The following GABRB2 variants were observed in gnomAD, a reference collection of about 807,000 sequenced individuals.
GABRB2 encodes gamma-aminobutyric acid receptor subunit beta-2.
A neutral mutation model predicts 54.7 loss-of-function variants in GABRB2; 16 were observed. The ratio of observed to expected loss-of-function variants is 0.29; its 90% CI spans 0.20 to 0.44. The LOEUF is 0.44. Among genes scored for constraint, GABRB2 ranks in the 20% least tolerant of loss-of-function variants. The pLI, the probability that GABRB2 is intolerant of heterozygous loss-of-function variation, is 1.00. For synonymous variants in GABRB2, 244 were observed against 233.8 expected, an observed-to-expected ratio of 1.04 and a Z score of -0.40; for missense variants, 355 against 644.0, an observed-to-expected ratio of 0.55 and a Z score of 4.86.
intron 5 of GABRB2, among the ~76,000 whole-genome samples, chr5:161,374,957 A>G (rs761649099): frequency 6.6e-6 from 1 of 152,202 alleles, no homozygotes; most frequent in Non-Finnish European, 1.5e-5. Flanking sequence ...TGAATAGATA[A>G]ATAAATAAAT....
At chr5:161,376,842 A>C (rs558058033) in intron 5 of GABRB2, among the ~76,000 whole-genome samples, 1 of 152,238 alleles carries the variant, frequency 6.6e-6, no homozygotes, top group East Asian at 1.9e-4. Context: ...AGAAGTAGGG[A>C]GAAAATAAAT....
chr5:161,370,637 C>T (rs112536636), intron 5 of GABRB2, among the ~76,000 whole-genome samples: 38 of 152,274 alleles, frequency 2.5e-4, no homozygotes, highest in African/African-American at 8.9e-4. Context: ...ACTGGGTACT[C>T]AGTGTCTTCC....
chr5:161,453,737 T>TA (rs140889888), intron 4 of GABRB2, among the ~76,000 whole-genome samples: 3,426 of 151,868 alleles, frequency 0.023, 60 homozygotes, highest in Non-Finnish European at 0.034. Flanking sequence ...GCTTTTTTAA[T>TA]AAAAAAAAGA....
chr5:161,457,166 G>A (rs1362780732), intron 4 of GABRB2, among the ~76,000 whole-genome samples: 2 of 152,112 alleles, frequency 1.3e-5, no homozygotes, highest in Non-Finnish European at 2.9e-5. Context: ...CAATACAGCT[G>A]AGAACAATCA....
At chr5:161,443,082 C>T (rs1757513340) in intron 4 of GABRB2, among the ~76,000 whole-genome samples, 1 of 152,060 alleles carries the variant, frequency 6.6e-6, no homozygotes, top group South Asian at 2.1e-4. Context: ...AACTGGATAG[C>T]ACCTAGAATA....
chr5:161,411,184 T>A (rs2113115015), intron 4 of GABRB2, 127 bp from the exon 5 acceptor site: 1 of 656,278 alleles, frequency 1.5e-6, no homozygotes, highest in East Asian at 2.7e-5. Flanking sequence ...CTGATGCAAC[T>A]TTGGATAACC....
intron 3 of GABRB2, among the ~76,000 whole-genome samples, chr5:161,515,965 C>T (rs1347141164): frequency 1.3e-5 from 2 of 152,182 alleles, no homozygotes; most frequent in Non-Finnish European, 2.9e-5. Context: ...TCCATGGCAG[C>T]TTTTCTGCCT....
intron 5 of GABRB2, among the ~76,000 whole-genome samples, chr5:161,398,783 C>A (rs974197975): frequency 6.6e-6 from 1 of 152,012 alleles, no homozygotes; most frequent in Non-Finnish European, 1.5e-5. Flanking sequence ...TCTGCCACCC[C>A]GGTTCAAGCG....
At chr5:161,343,159 T>C (rs1754222178) in intron 5 of GABRB2, among the ~76,000 whole-genome samples, 1 of 152,114 alleles carries the variant, frequency 6.6e-6, no homozygotes, top group East Asian at 1.9e-4. Context: ...GTGATTGCTC[T>C]GACTCCTTAA....
chr5:161,523,038 T>A (rs1178347285), intron 3 of GABRB2, among the ~76,000 whole-genome samples: 52 of 151,652 alleles, frequency 3.4e-4, no homozygotes, highest in Non-Finnish European at 3.0e-5. Flanking sequence ...GTAAATCATT[T>A]AATTTTTGGA....
At chr5:161,504,874 G>C (rs1448444651) in intron 3 of GABRB2, among the ~76,000 whole-genome samples, 1 of 150,574 alleles carries the variant, frequency 6.6e-6, no homozygotes, top group Non-Finnish European at 1.5e-5. Flanking sequence ...AGTTCATTCA[G>C]AGAGACAATT....
intron 4 of GABRB2, among the ~76,000 whole-genome samples, chr5:161,417,654 C>A (rs940941446): frequency 3.9e-5 from 6 of 152,156 alleles, no homozygotes; most frequent in Non-Finnish European, 5.9e-5. Context: ...GTTTTACCCA[C>A]ACATTCAAAT....
chr5:161,386,084 G>T (rs1755623604), intron 5 of GABRB2, among the ~76,000 whole-genome samples: 1 of 151,620 alleles, frequency 6.6e-6, no homozygotes, highest in Admixed American at 6.6e-5. Flanking sequence ...CCACTAGACA[G>T]TTTCCACAGA....
Position 161,416,650 on chromosome 5 carries a change from T to C in GABRB2, c.459-5593A>G, listed in dbSNP as rs200184243. Among the ~76,000 whole-genome samples the C allele has an allele frequency of 1.3e-3, 161 of 127,768 alleles. 4 individuals are homozygous for C. The East Asian group carries it at 0.036, about 28-fold the overall frequency. The allele number at this position is 127,768 out of a possible 152,430, so 83.8% of individuals were successfully genotyped here. On this transcript the variant is annotated intron_variant, in intron 4 of 9. Coordinates refer to ENST00000393959, the MANE Select transcript of GABRB2 (RefSeq NM_001371727.1). ...AGGCGGAGCTTGCGGTGAGCCGAGA[T>C]CGCGCCGCTGCACTCCAGCCTGGGC...
At chr5:161,516,317 A>G (rs1281683730) in intron 3 of GABRB2, among the ~76,000 whole-genome samples, 1 of 152,170 alleles carries the variant, frequency 6.6e-6, no homozygotes, top group African/African-American at 2.4e-5. Flanking sequence ...TCTTTCATTT[A>G]ATGCTCATAA....
chr5:161,434,633 A>G (rs369374131), intron 4 of GABRB2, among the ~76,000 whole-genome samples: 16 of 151,918 alleles, frequency 1.1e-4, no homozygotes, highest in African/African-American at 3.9e-4. Flanking sequence ...GGTAACTCTA[A>G]GTCTTTAAGT....
chr5:161,461,746 T>G (rs1175889056), intron 3 of GABRB2, among the ~76,000 whole-genome samples: 5 of 152,146 alleles, frequency 3.3e-5, no homozygotes, highest in African/African-American at 1.2e-4. Context: ...TTTTAAAAAC[T>G]AGAATCATGT....
At chr5:161,542,584 T>C (rs1760854985) in intron 3 of GABRB2, among the ~76,000 whole-genome samples, 1 of 152,216 alleles carries the variant, frequency 6.6e-6, no homozygotes, top group African/African-American at 2.4e-5. Flanking sequence ...TCTATCATTG[T>C]GATTTACAAG....
intron 3 of GABRB2, among the ~76,000 whole-genome samples, chr5:161,524,591 T>C (rs1444632872): frequency 1.3e-5 from 2 of 151,624 alleles, no homozygotes; most frequent in African/African-American, 4.8e-5. Flanking sequence ...AGCAATGAAC[T>C]GATTTAGCCA....
Sources: allele counts gnomAD v4.1 joint callset (sites outside exome capture counted in the v4.1 genomes callset), GRCh38; gene constraint gnomAD v4.1.1; transcripts MANE v1.5; gene names NCBI Gene and HGNC (gene_info 2026-07-23, HGNC 2026-07-21).